Variants in EPB41L5 observed in about 807,000 individuals in gnomAD.
EPB41L5 encodes the protein band 4.1-like protein 5.
A neutral mutation model predicts 106.6 loss-of-function variants in EPB41L5; 55 were observed. The observed-to-expected ratio is 0.52, with a 90% CI of 0.42 to 0.65. EPB41L5 has a LOEUF of 0.65. EPB41L5 is among the 30% of genes least tolerant of loss of function. The pLI is 0.00. For missense variants in EPB41L5, 871 were observed against 882.1 expected (o/e 0.99, Z 0.16); for synonymous variants, 297 against 306.7 (o/e 0.97, Z 0.33).
chr2:120,079,254 A>G (rs1294663473), intron 10 of EPB41L5, among the ~76,000 whole-genome samples: 2 of 152,198 alleles, frequency 1.3e-5, no homozygotes, highest in Non-Finnish European at 2.9e-5. Flanking sequence ...ACATCCAGTT[A>G]CTTTAAACAT....
intron 14 of EPB41L5, among the ~76,000 whole-genome samples, chr2:120,099,181 AT>A (rs1209807740): frequency 6.6e-6 from 1 of 151,942 alleles, no homozygotes; most frequent in Admixed American, 6.6e-5. Flanking sequence ...TTTTTGAATT[AT>A]TTTTTACATT....
intron 2 of EPB41L5, among the ~76,000 whole-genome samples, chr2:120,035,323 G>A (rs1411026349): frequency 6.6e-6 from 1 of 152,078 alleles, no homozygotes; most frequent in Admixed American, 6.6e-5. Flanking sequence ...GTCTCGGAAC[G>A]CCTGGTCTTA....
At chr2:120,174,144 G>A (rs1383234433) in intron 24 of EPB41L5, among the ~76,000 whole-genome samples, 1 of 152,130 alleles carries the variant, frequency 6.6e-6, no homozygotes, top group South Asian at 2.1e-4. Context: ...ACACAGACAC[G>A]GCCATGTAGG....
At position 120,080,879 on chromosome 2, in the gene EPB41L5, G is replaced by A. The variant is rs553911374; in HGVS notation, c.803+2298G>A. The stretch of plus-strand genomic sequence containing the variant: ...CCAGTGATGATGAGCATTTTTTCAT[G>A]TGTCTGTTGGCTGCATAAATGTCTT... On this transcript the variant is annotated intron_variant, in intron 10 of 24. Coordinates refer to ENST00000263713, the MANE Select transcript of EPB41L5 (RefSeq NM_020909.4). 2.9e-3 allele frequency among the ~76,000 whole-genome samples: 438 copies of A among 152,228 alleles called. 2 individuals carry two copies. The highest frequency in any genetic ancestry group is 0.01 in the African/African-American group (425 of 41,534).
At chr2:120,108,707 TA>T (rs567774407) in intron 16 of EPB41L5, among the ~76,000 whole-genome samples, 4 of 152,176 alleles carry the variant, frequency 2.6e-5, no homozygotes, top group Non-Finnish European at 5.9e-5. Context: ...TACAAAACTG[TA>T]TTTGTAGCCC....
At chr2:120,100,430 G>A (rs1408852571) in intron 15 of EPB41L5, 144 bp downstream of exon 15, 3 of 796,404 alleles carry the variant, frequency 3.8e-6, no homozygotes, top group African/African-American at 3.5e-5. Context: ...AAGTGGTTCA[G>A]TAATAACTTC....
In EPB41L5 at chr2:120,160,882, G is replaced by A; in HGVS notation, c.1795G>A (p.Ala599Thr). Residue 599 changes from alanine to threonine, a missense_variant and splice_region_variant, in exon 21 of 25, where the codon GCT (alanine) becomes ACT (threonine). Coordinates refer to ENST00000263713, the MANE Select transcript of EPB41L5 (RefSeq NM_020909.4). ...GTGAATTTATCTTTTTCTTCCTAGT[G>A]CTGTGTTAAATGAGAATAATGTGCC... The part of the protein sequence containing the change: ...ANVQDAATNS[A>T]VLNENNVPLP... 1 of 1,609,132 alleles carries A rather than the reference G, an allele frequency of 6.2e-7. No homozygotes were observed. The highest frequency in any genetic ancestry group is 8.5e-7 in the Non-Finnish European group (1 of 1,175,596).
At chr2:120,161,504 G>A (rs1221769075) in intron 21 of EPB41L5, among the ~76,000 whole-genome samples, 3 of 152,162 alleles carry the variant, frequency 2.0e-5, no homozygotes, top group African/African-American at 7.2e-5. Context: ...TTTATATTTT[G>A]GGGGTGGTTT....
At chr2:120,156,882 G>A (rs554398877) in intron 20 of EPB41L5, among the ~76,000 whole-genome samples, 4 of 152,222 alleles carry the variant, frequency 2.6e-5, no homozygotes, top group South Asian at 2.1e-4. Flanking sequence ...ACACATCATC[G>A]AAGCAGAAAA....
intron 3 of EPB41L5, among the ~76,000 whole-genome samples, chr2:120,044,118 T>TAAAAAAAAAAAA: frequency 7.0e-6 from 1 of 143,652 alleles, no homozygotes. Flanking sequence ...CTAGTCTGGG[T>TAAAAAAAAAAAA]AACAGAGCAA....
intron 16 of EPB41L5, among the ~76,000 whole-genome samples, chr2:120,125,295 C>G (rs1006826556): frequency 3.9e-5 from 6 of 152,150 alleles, no homozygotes; most frequent in African/African-American, 1.2e-4. Context: ...TCTATGCATT[C>G]TTGCCCTGCC....
At position 120,177,241 on chromosome 2, in the gene EPB41L5, AAG is replaced by A. The variant is rs1335272870; in HGVS notation, c.*2341_*2342del. 2 of 152,068 alleles carry A rather than the reference AAG, an allele frequency of 1.3e-5. No individual in the cohort carries two copies. The highest frequency in any genetic ancestry group is 2.4e-5 in the African/African-American group (1 of 41,256). The allele number at this position is 152,068 out of a possible 1,614,324, so 9.4% of individuals were successfully genotyped here. ...GAAGGGGAGATGTCTGTCTCTTGAG[AAG>A]AGAGAGGCATGTGTGCCGGCATCCT... On this transcript the variant is annotated 3_prime_UTR_variant, in exon 25 of 25. Coordinates refer to ENST00000263713, the MANE Select transcript of EPB41L5 (RefSeq NM_020909.4).
intron 3 of EPB41L5, among the ~76,000 whole-genome samples, chr2:120,050,491 C>T (rs919067409): frequency 4.6e-5 from 7 of 152,194 alleles, no homozygotes; most frequent in Non-Finnish European, 8.8e-5. Context: ...ATTCTCGTGC[C>T]ATGGTTTTCA....
At chr2:120,158,853 C>T (rs1030321682) in intron 20 of EPB41L5, among the ~76,000 whole-genome samples, 1 of 152,232 alleles carries the variant, frequency 6.6e-6, no homozygotes, top group Admixed American at 6.5e-5. Context: ...TAGTCTCAGC[C>T]TAAAAGCTCA....
At chr2:120,015,703 C>T (rs1377320454) in intron 1 of EPB41L5, among the ~76,000 whole-genome samples, 1 of 151,902 alleles carries the variant, frequency 6.6e-6, no homozygotes, top group East Asian at 1.9e-4. Flanking sequence ...CTTTGGGAGG[C>T]TGAGGTGGGA....
intron 8 of EPB41L5, 22 bp downstream of exon 8, chr2:120,077,113 T>G (rs1366760718): frequency 6.2e-7 from 1 of 1,605,552 alleles, no homozygotes; most frequent in Admixed American, 1.7e-5. Flanking sequence ...TTGACCATAC[T>G]TTCTTTAAAA....
At chr2:120,122,225 GTGTTTTAGTCA>G (rs1236805639) in intron 16 of EPB41L5, among the ~76,000 whole-genome samples, 7 of 152,220 alleles carry the variant, frequency 4.6e-5, no homozygotes, top group African/African-American at 1.7e-4. Context: ...ATTGCTTTTG[GTGTTTTAGTCA>G]TGGATTCCTT....
intron 3 of EPB41L5, among the ~76,000 whole-genome samples, chr2:120,059,739 C>CA (rs200558462): frequency 0.014 from 2,089 of 149,484 alleles, 92 homozygotes; most frequent in Admixed American, 0.095. Flanking sequence ...CTTGTCTCTA[C>CA]AAAAAAAAAC....
Position 120,059,788 on chromosome 2 carries a change from CA to C in EPB41L5, c.286-13389del, listed in dbSNP as rs1316150910. Among the ~76,000 whole-genome samples the C allele has an allele frequency of 5.9e-5, 9 of 152,222 alleles. 1 individual carries two copies. Among genetic ancestry groups the C allele is most frequent in the Admixed American group, 5.2e-4 (8 of 15,296 alleles). ...TGCTGTGGCTACTTGGGAGGCTGGG[CA>C]GGAGGATTGCTTAAGCCTGGGAGGT... On this transcript the variant is annotated intron_variant, in intron 3 of 24. Transcript: ENST00000263713.
Sources: gnomAD v4.1 joint callset for allele counts (sites outside exome capture counted in the v4.1 genomes callset) on GRCh38, gnomAD v4.1.1 for gene constraint, MANE v1.5 for transcripts, NCBI Gene and HGNC (gene_info 2026-07-23, HGNC 2026-07-21) for gene names.